Variants in PHKA1 observed in about 807,000 individuals in gnomAD.
PHKA1 encodes phosphorylase kinase regulatory subunit alpha 1, also known as phosphorylase b kinase regulatory subunit alpha, skeletal muscle isoform.
A neutral mutation model predicts 110.2 loss-of-function variants in PHKA1; 60 were observed. The ratio of observed to expected loss-of-function variants is 0.54; its 90% CI spans 0.44 to 0.68. The LOEUF (loss-of-function observed/expected upper bound fraction) is 0.68. PHKA1 is among the 30% of genes least tolerant of loss of function. The pLI is 0.00. For synonymous variants in PHKA1, 316 were observed against 333.6 expected, an observed-to-expected ratio of 0.95 and a Z score of 0.58; for missense variants, 801 against 942.5, an observed-to-expected ratio of 0.85 and a Z score of 1.97.
At chrX:72,611,838 C>A (rs933724472) in intron 21 of PHKA1, among the ~76,000 whole-genome samples, 2 of 111,677 alleles carry the variant, frequency 1.8e-5, no homozygotes, top group Non-Finnish European at 3.8e-5. Context: ...TGCTGCTGAT[C>A]GGAATAAAAA....
In PHKA1 at chrX:72,683,259, G is replaced by A. The variant is rs945636854; in HGVS notation, c.537+1239C>T. ...TTGAGACCTGCCTGGGCAACATAGC[G>A]AAACCTCGTCTCTATAAAAAATACA... On this transcript the variant is annotated intron_variant, in intron 5 of 31. Transcript: ENST00000373542. Among the ~76,000 whole-genome samples the A allele has an allele frequency of 3.6e-5, 4 of 111,324 alleles. No individual in the cohort carries two copies. The East Asian group carries it at 8.5e-4, about 24-fold the overall frequency.
chrX:72,679,901 C>T lies in PHKA1; in HGVS notation c.538-3751G>A, dbSNP rs782304213. ...AATTGCTGAAAACTTTTGATGAAAG[C>T]GATATATGCACAGATCTATGGAGCT... On this transcript the variant is annotated intron_variant, in intron 5 of 31. Coordinates refer to ENST00000373542, the MANE Select transcript of PHKA1 (RefSeq NM_002637.4). 9.9e-5 allele frequency among the ~76,000 whole-genome samples: 11 copies of T among 111,018 alleles called. No individual in the cohort carries two copies. In the South Asian group the frequency reaches 2.3e-3, roughly 23 times the overall value.
chrX:72,660,905 T>C (rs1452857739), intron 8 of PHKA1, among the ~76,000 whole-genome samples: 1 of 112,237 alleles, frequency 8.9e-6, no homozygotes, highest in African/African-American at 3.2e-5. Context: ...TAATGAATAG[T>C]TGTTTTATAG....
At chrX:72,614,133 T>C (rs1458636878) in intron 21 of PHKA1, among the ~76,000 whole-genome samples, 4 of 112,345 alleles carry the variant, frequency 3.6e-5, no homozygotes, top group Non-Finnish European at 5.6e-5. Context: ...TTGGCAATTA[T>C]ACTGTGCTTA....
At chrX:72,611,662 AAT>A (rs1377469333) in intron 21 of PHKA1, among the ~76,000 whole-genome samples, 5 of 112,322 alleles carry the variant, frequency 4.5e-5, no homozygotes, top group African/African-American at 1.3e-4. Context: ...TGGCAAAACA[AAT>A]AGATGGCTTT....
At chrX:72,618,529 G>A (rs1556272167) in intron 21 of PHKA1, among the ~76,000 whole-genome samples, 181 bp downstream of exon 21, 1 of 111,466 alleles carries the variant, frequency 9.0e-6, no homozygotes, top group Non-Finnish European at 1.9e-5. Flanking sequence ...ACTCTATGAG[G>A]TATATATAAT....
chrX:72,679,641 T>C (rs111326227), intron 5 of PHKA1, among the ~76,000 whole-genome samples: 6,136 of 111,076 alleles, frequency 0.055, 408 homozygotes, highest in African/African-American at 0.19. Context: ...AAACTGTATC[T>C]GACCTGAAAA....
chrX:72,616,107 G>C (rs2052893101), intron 21 of PHKA1, among the ~76,000 whole-genome samples: 1 of 111,539 alleles, frequency 9.0e-6, no homozygotes, highest in Non-Finnish European at 1.9e-5. Flanking sequence ...GCTCACACCT[G>C]GAACTCCCAG....
At chrX:72,703,532 T>C (rs1367533507) in intron 3 of PHKA1, among the ~76,000 whole-genome samples, 3 of 110,552 alleles carry the variant, frequency 2.7e-5, no homozygotes, top group African/African-American at 9.9e-5. Flanking sequence ...AAATTTTTAA[T>C]TAGCAAGGCA....
chrX:72,704,838 G>A (rs1556331660), intron 3 of PHKA1, among the ~76,000 whole-genome samples: 2 of 111,961 alleles, frequency 1.8e-5, no homozygotes, highest in South Asian at 3.8e-4. Flanking sequence ...CAATCCATCC[G>A]CCTTGGCCTC....
rs2052776715 is a variant in PHKA1 at position 72,609,621 on chromosome X, C to T, written c.2606+3G>A. 1.7e-6 allele frequency: 2 copies of T among 1,188,053 alleles called. No homozygotes were observed. The highest frequency in any genetic ancestry group is 2.3e-6 in the Non-Finnish European group (2 of 873,920). ...AAGCCTGACCAAACCCAGCCATACT[C>T]ACGCAGAGATAGTCTTTTCTCGAGG... is the stretch of plus-strand genomic sequence containing the variant. On this transcript the variant is annotated splice_donor_region_variant and intron_variant, in intron 23 of 31. Transcript: ENST00000373542.
At chrX:72,655,394 C>T (rs2053480548) in intron 10 of PHKA1, among the ~76,000 whole-genome samples, 1 of 111,519 alleles carries the variant, frequency 9.0e-6, no homozygotes, top group South Asian at 3.8e-4. Context: ...GTCTGGGCAA[C>T]AGAGTGAGAG....
chrX:72,662,409 C>G (rs1170736920), intron 8 of PHKA1, among the ~76,000 whole-genome samples: 3 of 111,941 alleles, frequency 2.7e-5, no homozygotes, highest in African/African-American at 9.8e-5. Flanking sequence ...CCAGGAATGG[C>G]CATGACTCTG....
At chrX:72,693,406 T>C (rs868925739) in intron 4 of PHKA1, among the ~76,000 whole-genome samples, 45 of 112,124 alleles carry the variant, frequency 4.0e-4, no homozygotes, top group African/African-American at 1.4e-3. Context: ...GTCAATTCCT[T>C]TGGGAAAAGC....
At chrX:72,674,488 T>C (rs1267742142) in intron 6 of PHKA1, among the ~76,000 whole-genome samples, 1 of 111,841 alleles carries the variant, frequency 8.9e-6, no homozygotes, top group East Asian at 2.8e-4. Flanking sequence ...GACTTTTTAA[T>C]GATCGCCATT....
chrX:72,626,475 A>T (rs2053071362), intron 17 of PHKA1, among the ~76,000 whole-genome samples: 1 of 111,011 alleles, frequency 9.0e-6, no homozygotes, highest in Admixed American at 9.6e-5. Context: ...CTTCCTCTAC[A>T]ACATTAAATT....
chrX:72,599,832 A>G, intron 28 of PHKA1: 1 of 552,611 alleles, frequency 1.8e-6, no homozygotes, highest in East Asian at 3.3e-5. Context: ...AGACGGTGAC[A>G]TCAAATCTAT....
At chrX:72,618,920 G>A (rs2055716682) in intron 20 of PHKA1, 71 bp from the exon 21 acceptor site, 1 of 993,472 alleles carries the variant, frequency 1.0e-6, no homozygotes, top group African/African-American at 1.9e-5. Context: ...CCTAGAATGA[G>A]TCATATTTTC....
chrX:72,625,478 A>G (rs1296475023), intron 17 of PHKA1, among the ~76,000 whole-genome samples: 1 of 111,743 alleles, frequency 8.9e-6, no homozygotes, highest in African/African-American at 3.3e-5. Flanking sequence ...TCCATGGTGC[A>G]TTATATACCA....
Sources: allele counts gnomAD v4.1 joint callset (sites outside exome capture counted in the v4.1 genomes callset), GRCh38; gene constraint gnomAD v4.1.1; transcripts MANE v1.5; gene names NCBI Gene and HGNC (gene_info 2026-07-23, HGNC 2026-07-21).